Variants in ATRX observed in about 807,000 individuals in gnomAD.
The protein encoded by ATRX is chromatin remodeler ATRX.
In ATRX, 12 loss-of-function variants were observed where a neutral mutation model predicts 172.6. The observed-to-expected ratio is 0.07, with a 90% CI of 0.04 to 0.11. The LOEUF is 0.11. Among genes scored for constraint, ATRX ranks in the 10% least tolerant of loss-of-function variants. ATRX has a pLI of 1.00. For synonymous variants in ATRX, 674 were observed against 594.7 expected, an observed-to-expected ratio of 1.13 and a Z score of -1.94; for missense variants, 1,368 against 1,767.4, an observed-to-expected ratio of 0.77 and a Z score of 4.05.
intron 30 of ATRX, among the ~76,000 whole-genome samples, chrX:77,557,130 C>T (rs2064835786): frequency 9.0e-6 from 1 of 111,534 alleles, no homozygotes; most frequent in Non-Finnish European, 1.9e-5. Flanking sequence ...AGTAATTTCC[C>T]CTTTTCTAAT....
chrX:77,549,349 C>T (rs2064375910), intron 30 of ATRX, among the ~76,000 whole-genome samples: 1 of 111,990 alleles, frequency 8.9e-6, no homozygotes, highest in African/African-American at 3.2e-5. Context: ...TGCAGCACTG[C>T]ACTCCATCCT....
chrX:77,621,391 C>A (rs2067574581), intron 19 of ATRX, among the ~76,000 whole-genome samples: 1 of 111,125 alleles, frequency 9.0e-6, no homozygotes, highest in Non-Finnish European at 1.9e-5. Flanking sequence ...GTCACTGCAA[C>A]CTCCACCTCC....
chrX:77,734,360 G>C (rs1463928227), intron 1 of ATRX, among the ~76,000 whole-genome samples: 2 of 110,618 alleles, frequency 1.8e-5, no homozygotes, highest in African/African-American at 3.3e-5. Flanking sequence ...AGAGGTTGCA[G>C]TGAGCCTAGA....
At chrX:77,778,416 TAA>T (rs782076675) in intron 1 of ATRX, among the ~76,000 whole-genome samples, 28 of 81,440 alleles carry the variant, frequency 3.4e-4, no homozygotes, top group Admixed American at 4.1e-4. Context: ...CCCTGTCTCT[TAA>T]AAAAAAAAAA....
chrX:77,666,606 TC>T (rs1411531408), intron 10 of ATRX, among the ~76,000 whole-genome samples: 3 of 112,441 alleles, frequency 2.7e-5, no homozygotes, highest in African/African-American at 9.7e-5. Flanking sequence ...ATGCCTGTAA[TC>T]CCTGCACTTT....
intron 34 of ATRX, among the ~76,000 whole-genome samples, chrX:77,512,448 T>C (rs782388002): frequency 2.7e-4 from 30 of 112,906 alleles, no homozygotes; most frequent in Non-Finnish European, 5.1e-4. Flanking sequence ...CTTTGCTTGT[T>C]TGTTACTTTG....
chrX:77,505,641 A>AAGCTATAC lies in ATRX; in HGVS notation c.*2702_*2709dup. 2 of 173,672 alleles carry AAGCTATAC rather than the reference A, an allele frequency of 1.2e-5. No individual in the cohort carries two copies. Among genetic ancestry groups the AAGCTATAC allele is most frequent in the Non-Finnish European group, 2.2e-5 (2 of 90,216 alleles). The allele number at this position is 173,672 out of a possible 1,213,427, so 14.3% of individuals were successfully genotyped here. ...GAACCACCATTATATAGGACAACAA[A>AAGCTATAC]AGCTATACATTTTCTATGAAACAGT... On this transcript the variant is annotated 3_prime_UTR_variant, in exon 35 of 35. Coordinates refer to ENST00000373344, the MANE Select transcript of ATRX (RefSeq NM_000489.6).
intron 27 of ATRX, among the ~76,000 whole-genome samples, chrX:77,588,574 C>G (rs2066120773): frequency 9.1e-6 from 1 of 110,429 alleles, no homozygotes; most frequent in African/African-American, 3.3e-5. Flanking sequence ...CAAGACCAGT[C>G]TGGGCAAATA....
chrX:77,530,224 C>G (rs782391393), intron 30 of ATRX, among the ~76,000 whole-genome samples: 45 of 111,403 alleles, frequency 4.0e-4, no homozygotes, highest in African/African-American at 1.4e-3. Flanking sequence ...AGGTAGAAAT[C>G]AAGAAATTTT....
chrX:77,559,995 T>C (rs1317020755), intron 28 of ATRX, among the ~76,000 whole-genome samples: 1 of 111,396 alleles, frequency 9.0e-6, no homozygotes, highest in Non-Finnish European at 1.9e-5. Context: ...GGAAAACGAA[T>C]GAGGAAAAGT....
chrX:77,577,895 G>A (rs1240791415), intron 27 of ATRX, among the ~76,000 whole-genome samples: 1 of 111,631 alleles, frequency 9.0e-6, no homozygotes, highest in East Asian at 2.8e-4. Flanking sequence ...AAAATCAGGT[G>A]AGCAATTATA....
chrX:77,678,910 A>C (rs1405481803), intron 9 of ATRX, among the ~76,000 whole-genome samples: 1 of 110,970 alleles, frequency 9.0e-6, no homozygotes, highest in Non-Finnish European at 1.9e-5. Flanking sequence ...TTCTAGGAAA[A>C]TACTGTAGCT....
chrX:77,513,213 A>G (rs1332449025), intron 34 of ATRX, among the ~76,000 whole-genome samples: 1 of 101,250 alleles, frequency 9.9e-6, no homozygotes, highest in African/African-American at 3.6e-5. Flanking sequence ...GCTACTCAGG[A>G]GGCTAAGATA....
chrX:77,521,577 C>G (rs2063233764), intron 32 of ATRX, 79 bp from the exon 33 acceptor site: 4 of 745,715 alleles, frequency 5.4e-6, no homozygotes, highest in Non-Finnish European at 8.2e-6. Flanking sequence ...TTCCATTTGC[C>G]AACTTAGAGC....
intron 1 of ATRX, among the ~76,000 whole-genome samples, chrX:77,729,454 G>C (rs1382130402): frequency 3.6e-5 from 4 of 111,637 alleles, no homozygotes; most frequent in African/African-American, 1.3e-4. Flanking sequence ...CTTTCATGCA[G>C]GAAAAGTTTT....
At chrX:77,558,889 T>C in intron 28 of ATRX, 43 bp from the exon 29 acceptor site, 1 of 1,021,410 alleles carries the variant, frequency 9.8e-7, no homozygotes, top group Non-Finnish European at 1.4e-6. Context: ...TAATTAGTAC[T>C]TTACAAATAT....
chrX:77,711,757 C>T (rs782040017), intron 2 of ATRX, among the ~76,000 whole-genome samples: 1 of 112,220 alleles, frequency 8.9e-6, no homozygotes, highest in South Asian at 3.7e-4. Context: ...ATCACTTGAA[C>T]CCGGGAGGTG....
intron 2 of ATRX, among the ~76,000 whole-genome samples, chrX:77,711,572 C>T (rs1282910160): frequency 1.8e-5 from 2 of 112,250 alleles, no homozygotes; most frequent in Non-Finnish European, 3.8e-5. Flanking sequence ...TGGTGGCTCA[C>T]GCCTGTAATC....
At position 77,670,163 on chromosome X, in the gene ATRX, G is replaced by C. The variant is rs782283798; in HGVS notation, c.3810-5385C>G. Among the ~76,000 whole-genome samples, 19 of 112,059 alleles carry C rather than the reference G, an allele frequency of 1.7e-4. No homozygotes were observed. In the East Asian group the frequency reaches 5.3e-3, roughly 31 times the overall value. ...ATTGCTGGAAAAAAATATATTTTTAGAAGGCCAAAATACTGGGCATCCATA... is the reference window on the plus strand; with the variant it reads ...ATTGCTGGAAAAAAATATATTTTTACAAGGCCAAAATACTGGGCATCCATA... On this transcript the variant is annotated intron_variant, in intron 10 of 34. Transcript: ENST00000373344.
Sources: allele counts gnomAD v4.1 joint callset (sites outside exome capture counted in the v4.1 genomes callset), GRCh38; gene constraint gnomAD v4.1.1; transcripts MANE v1.5; gene names NCBI Gene and HGNC (gene_info 2026-07-23, HGNC 2026-07-21).